DMD: variants seen among roughly 807,000 people sequenced by gnomAD.
DMD encodes mutant dystrophin.
Under a neutral mutation model 330.1 loss-of-function variants are expected in DMD, and 63 were observed. That is an observed-to-expected ratio of 0.19 (90% CI 0.16 to 0.24). The LOEUF (loss-of-function observed/expected upper bound fraction) is 0.24, where lower values mean the gene tolerates loss of function less well. DMD is among the 10% of genes least tolerant of loss of function. DMD has a pLI of 1.00. For synonymous variants in DMD, 1,223 were observed against 959.8 expected (o/e 1.27, Z -5.07); for missense variants, 3,344 against 2,684.1 (o/e 1.25, Z -5.43).
intron 7 of DMD, among the ~76,000 whole-genome samples, chrX:32,742,414 C>T (rs149792100): frequency 6.2e-4 from 69 of 111,563 alleles, no homozygotes; most frequent in African/African-American, 2.2e-3. Flanking sequence ...AATCATGTGC[C>T]ACAGATAGAC....
At chrX:32,952,138 TG>T (rs1255248525) in intron 2 of DMD, among the ~76,000 whole-genome samples, 49 of 109,366 alleles carry the variant, frequency 4.5e-4, no homozygotes, top group Non-Finnish European at 7.6e-4. Flanking sequence ...TTTTTTTGTT[TG>T]TTTTTTTTTT....
At position 33,327,370 on chromosome X, in the gene DMD, G is replaced by A. The variant is rs1200739885; in HGVS notation, c.7+11889C>T. 5.4e-5 allele frequency among the ~76,000 whole-genome samples: 6 copies of A among 111,609 alleles called. No homozygotes were observed. In the East Asian group the frequency reaches 1.1e-3, roughly 21 times the overall value. ...AAATATTTGGAACTAAAATATGCAT[G>A]AGAAGTAATCAACCTTGGAATAGGT... On this transcript the variant is annotated intron_variant, in intron 1 of 17. Coordinates refer to the DMD transcript ENST00000288447.
chrX:32,503,705 A>G (rs746570746), intron 18 of DMD, among the ~76,000 whole-genome samples: 13 of 110,045 alleles, frequency 1.2e-4, no homozygotes, highest in East Asian at 5.8e-4. Flanking sequence ...ACAGGCGTGC[A>G]CCACCACGCC....
chrX:32,646,000 G>A (rs1056231660), intron 9 of DMD, among the ~76,000 whole-genome samples: 2 of 111,699 alleles, frequency 1.8e-5, no homozygotes, highest in Non-Finnish European at 3.8e-5. Context: ...GCTTAAAGGT[G>A]TGTAAGAGCA....
intron 74 of DMD, among the ~76,000 whole-genome samples, chrX:31,153,787 A>G (rs1480826469): frequency 8.9e-6 from 1 of 112,279 alleles, no homozygotes; most frequent in Non-Finnish European, 1.9e-5. Context: ...ATTAAGCTCA[A>G]TAGCAAACTT....
At chrX:32,729,768 A>G (rs748426201) in intron 7 of DMD, among the ~76,000 whole-genome samples, 20 of 111,578 alleles carry the variant, frequency 1.8e-4, no homozygotes, top group Non-Finnish European at 3.4e-4. Flanking sequence ...TAATAATTAA[A>G]TATGTGTGTT....
chrX:32,171,534 T>G (rs753181124), intron 44 of DMD, among the ~76,000 whole-genome samples: 3 of 111,880 alleles, frequency 2.7e-5, no homozygotes, highest in African/African-American at 9.7e-5. Flanking sequence ...GATGATTAAG[T>G]CATGGACTAA....
chrX:31,708,708 G>A (rs2084381694), intron 52 of DMD, among the ~76,000 whole-genome samples: 2 of 111,617 alleles, frequency 1.8e-5, no homozygotes, highest in South Asian at 7.4e-4. Flanking sequence ...TGTTTTAATA[G>A]TATTAGTATT....
intron 12 of DMD, among the ~76,000 whole-genome samples, chrX:32,596,838 T>G (rs1236756584): frequency 9.0e-6 from 1 of 111,599 alleles, no homozygotes; most frequent in Non-Finnish European, 1.9e-5. Context: ...TGAGCCACTG[T>G]GCCTGGCCTA....
At chrX:31,541,082 A>T (rs1297314156) in intron 55 of DMD, among the ~76,000 whole-genome samples, 1 of 111,842 alleles carries the variant, frequency 8.9e-6, no homozygotes, top group Non-Finnish European at 1.9e-5. Context: ...ACTGTGTTCT[A>T]GGGCTGTGCT....
chrX:31,740,194 CTAAAGTGATA>C (rs1255220276), intron 51 of DMD, among the ~76,000 whole-genome samples: 1 of 111,916 alleles, frequency 8.9e-6, no homozygotes, highest in African/African-American at 3.2e-5. Flanking sequence ...AAACGCATTT[CTAAAGTGATA>C]TAAAGGGCGT....
chrX:32,706,494 G>A (rs965479934), intron 7 of DMD, among the ~76,000 whole-genome samples: 2 of 110,362 alleles, frequency 1.8e-5, no homozygotes, highest in Non-Finnish European at 1.9e-5. Flanking sequence ...AACCAGGGAG[G>A]AGGAGGTTGC....
intron 50 of DMD, among the ~76,000 whole-genome samples, chrX:31,797,795 C>A (rs2091894423): frequency 9.0e-6 from 1 of 110,723 alleles, no homozygotes; most frequent in Non-Finnish European, 1.9e-5. Flanking sequence ...AAATGAAAGA[C>A]TGGAACAAAA....
chrX:32,603,696 T>TA (rs1476492555), intron 12 of DMD, among the ~76,000 whole-genome samples: 1 of 110,590 alleles, frequency 9.0e-6, no homozygotes, highest in Admixed American at 9.7e-5. Context: ...ACCATAGAAA[T>TA]ACGAAAGATT....
rs7890417 is a variant in DMD at position 33,143,156 on chromosome X, T to A, written c.31+68126A>T. Among the ~76,000 whole-genome samples the A allele has an allele frequency of 3.2e-3, 363 of 111,704 alleles. 1 individual carries two copies. The highest frequency in any genetic ancestry group is 0.011 in the African/African-American group (335 of 30,888). ...GAGTATTTTCACAGCTATATGTATT[T>A]TAGTTTTTCTTTAAATTTTTATATA... On this transcript the variant is annotated intron_variant, in intron 1 of 78. Transcript: ENST00000357033.
At chrX:32,661,821 C>T (rs1410390171) in intron 9 of DMD, among the ~76,000 whole-genome samples, 2 of 111,312 alleles carry the variant, frequency 1.8e-5, no homozygotes, top group Non-Finnish European at 3.8e-5. Flanking sequence ...GTTTCATTAG[C>T]ACAATGCCTT....
chrX:32,392,276 T>C (rs746486233), intron 30 of DMD, among the ~76,000 whole-genome samples: 73 of 111,369 alleles, frequency 6.6e-4, no homozygotes, highest in Non-Finnish European at 1.2e-3. Flanking sequence ...ATTTATGTTT[T>C]GAGATGGAAT....
At chrX:32,845,005 C>G in intron 3 of DMD, 145 bp from the exon 4 acceptor site, 1 of 541,573 alleles carries the variant, frequency 1.8e-6, no homozygotes, top group South Asian at 2.6e-5. Context: ...AATCTAAATA[C>G]TTTGCGCTAA....
intron 9 of DMD, among the ~76,000 whole-genome samples, chrX:32,670,985 G>T (rs956319574): frequency 9.1e-6 from 1 of 110,368 alleles, no homozygotes; most frequent in African/African-American, 3.3e-5. Flanking sequence ...ATTCCCCAGG[G>T]TTTGCTTAGG....
Sources: gnomAD v4.1 joint callset for allele counts (sites outside exome capture counted in the v4.1 genomes callset) on GRCh38, gnomAD v4.1.1 for gene constraint, MANE v1.5 for transcripts, NCBI Gene and HGNC (gene_info 2026-07-23, HGNC 2026-07-21) for gene names.